PLPPR1: variants seen among roughly 807,000 people sequenced by gnomAD.
PLPPR1 encodes the protein phospholipid phosphatase-related protein type 1.
A neutral mutation model predicts 33.1 loss-of-function variants in PLPPR1; 10 were observed. The observed-to-expected ratio is 0.30, with a 90% CI of 0.19 to 0.51. The LOEUF is 0.51. Among genes scored for constraint, PLPPR1 ranks in the 20% least tolerant of loss-of-function variants. PLPPR1 has a pLI of 0.97. For missense variants in PLPPR1, 304 were observed against 408.1 expected (o/e 0.74, Z 2.20); for synonymous variants, 151 against 151.0 (o/e 1.00, Z 0.00).
At chr9:101,318,072 T>C (rs1829087844) in intron 7 of PLPPR1, among the ~76,000 whole-genome samples, 1 of 152,228 alleles carries the variant, frequency 6.6e-6, no homozygotes, top group Non-Finnish European at 1.5e-5. Context: ...GGCTCACACC[T>C]GTAATCCCAG....
intron 2 of PLPPR1, among the ~76,000 whole-genome samples, chr9:101,220,578 T>G (rs555548556): frequency 8.5e-5 from 13 of 152,300 alleles, no homozygotes; most frequent in African/African-American, 3.1e-4. Context: ...ATTTCTTAGC[T>G]CCCTTTCTTT....
intron 4 of PLPPR1, among the ~76,000 whole-genome samples, chr9:101,303,829 A>G (rs1287338514): frequency 6.6e-6 from 1 of 152,158 alleles, no homozygotes; most frequent in Non-Finnish European, 1.5e-5. Context: ...AGAAGTTTTT[A>G]TGTGCCCACG....
chr9:101,219,750 G>T (rs10989439), intron 2 of PLPPR1, among the ~76,000 whole-genome samples: 5,539 of 152,164 alleles, frequency 0.036, 154 homozygotes, highest in South Asian at 0.11. Flanking sequence ...GCTATCCTGC[G>T]ATCAGTTCTA....
intron 1 of PLPPR1, among the ~76,000 whole-genome samples, chr9:101,082,952 T>A (rs918709241): frequency 1.3e-5 from 2 of 152,116 alleles, no homozygotes; most frequent in Non-Finnish European, 2.9e-5. Flanking sequence ...CTGATTTTCA[T>A]TGCTGTCATG....
chr9:101,238,159 A>G (rs1372920562), intron 2 of PLPPR1, among the ~76,000 whole-genome samples: 1 of 138,114 alleles, frequency 7.2e-6, no homozygotes, highest in Non-Finnish European at 1.6e-5. Flanking sequence ...ATACATATAC[A>G]CACATATATA....
At chr9:101,243,457 T>C (rs1354994300) in intron 2 of PLPPR1, among the ~76,000 whole-genome samples, 1 of 151,940 alleles carries the variant, frequency 6.6e-6, no homozygotes, top group East Asian at 1.9e-4. Flanking sequence ...TTAAGAATAT[T>C]AAATTGATCA....
chr9:101,178,536 C>T (rs1826052041), intron 1 of PLPPR1, among the ~76,000 whole-genome samples: 1 of 152,198 alleles, frequency 6.6e-6, no homozygotes, highest in South Asian at 2.1e-4. Context: ...GTATTCCACA[C>T]AGCATTGCCT....
chr9:101,144,138 C>G (rs1012408685), intron 1 of PLPPR1, among the ~76,000 whole-genome samples: 5 of 152,042 alleles, frequency 3.3e-5, no homozygotes, highest in Non-Finnish European at 5.9e-5. Context: ...AAGCTGGAAA[C>G]CATTATTCTC....
At chr9:101,124,263 C>T (rs150761327) in intron 1 of PLPPR1, among the ~76,000 whole-genome samples, 48 of 152,214 alleles carry the variant, frequency 3.2e-4, no homozygotes, top group African/African-American at 1.1e-3. Context: ...TTAATTCTAG[C>T]GGTTGCAGAA....
chr9:101,260,966 C>G (rs1827887934), intron 2 of PLPPR1, among the ~76,000 whole-genome samples: 1 of 151,942 alleles, frequency 6.6e-6, no homozygotes, highest in Non-Finnish European at 1.5e-5. Context: ...CTACTATCAC[C>G]CCAAAGTAAA....
At position 101,248,281 on chromosome 9, in the gene PLPPR1, G is replaced by A. The variant is rs76693162; in HGVS notation, c.64-21599G>A. Among the ~76,000 whole-genome samples, 951 of 152,208 alleles carry A rather than the reference G, an allele frequency of 6.2e-3. 8 individuals are homozygous for A. Among genetic ancestry groups the A allele is most frequent in the African/African-American group, 0.022 (904 of 41,550 alleles). ...ATACCTGTCATGAACAACATTAACT[G>A]TGTAAGAATATAACTTCCTGAACCT... On this transcript the variant is annotated intron_variant, in intron 2 of 7. Coordinates refer to ENST00000374874, the MANE Select transcript of PLPPR1 (RefSeq NM_207299.2).
intron 1 of PLPPR1, among the ~76,000 whole-genome samples, chr9:101,180,135 TATATATATACAC>T (rs1464759719): frequency 6.3e-3 from 256 of 40,866 alleles, no homozygotes; most frequent in African/African-American, 0.017. Flanking sequence ...TATATATATA[TATATATATACAC>T]ACACACACAC....
intron 4 of PLPPR1, among the ~76,000 whole-genome samples, chr9:101,298,423 A>T (rs1168272251): frequency 1.3e-5 from 2 of 152,204 alleles, no homozygotes; most frequent in African/African-American, 2.4e-5. Context: ...GTGAAGCATG[A>T]ATATTTTAAA....
At chr9:101,069,430 G>A (rs902653421) in intron 1 of PLPPR1, among the ~76,000 whole-genome samples, 15 of 152,024 alleles carry the variant, frequency 9.9e-5, no homozygotes, top group Admixed American at 1.3e-4. Context: ...CAATGGTAAC[G>A]TTGTGACATA....
intron 1 of PLPPR1, among the ~76,000 whole-genome samples, chr9:101,099,297 C>T (rs550478431): frequency 1.3e-5 from 2 of 152,218 alleles, no homozygotes; most frequent in African/African-American, 2.4e-5. Context: ...TGTTTGTCTG[C>T]GTCTGTTTCC....
At chr9:101,285,044 C>T (rs911749538) in intron 3 of PLPPR1, among the ~76,000 whole-genome samples, 1 of 152,188 alleles carries the variant, frequency 6.6e-6, no homozygotes, top group Non-Finnish European at 1.5e-5. Context: ...ACTGTCACTC[C>T]TCAACAGTAA....
chr9:101,201,233 T>C (rs1020889759), intron 2 of PLPPR1, among the ~76,000 whole-genome samples: 2 of 152,180 alleles, frequency 1.3e-5, no homozygotes, highest in African/African-American at 4.8e-5. Flanking sequence ...CTAATCACCT[T>C]TTAAAGATCC....
intron 1 of PLPPR1, among the ~76,000 whole-genome samples, chr9:101,144,010 G>A (rs1330135801): frequency 6.6e-6 from 1 of 152,124 alleles, no homozygotes; most frequent in Non-Finnish European, 1.5e-5. Context: ...ATTCACAATA[G>A]CAAAGACTTG....
intron 2 of PLPPR1, among the ~76,000 whole-genome samples, chr9:101,249,164 C>G (rs968063072): frequency 6.6e-6 from 1 of 151,946 alleles, no homozygotes; most frequent in Non-Finnish European, 1.5e-5. Flanking sequence ...ATTTGGCTTC[C>G]TACAAAATTA....
Sources: allele counts gnomAD v4.1 joint callset (sites outside exome capture counted in the v4.1 genomes callset), GRCh38; gene constraint gnomAD v4.1.1; transcripts MANE v1.5; gene names NCBI Gene and HGNC (gene_info 2026-07-23, HGNC 2026-07-21).